Variants in SCN9A observed in about 807,000 individuals in gnomAD.
The protein encoded by SCN9A is sodium channel protein type 9 subunit alpha.
In SCN9A, 131 loss-of-function variants were observed where a neutral mutation model predicts 187.0. That is an observed-to-expected ratio of 0.70 (90% CI 0.61 to 0.81). The LOEUF is 0.81. SCN9A is among the 30% of genes least tolerant of loss of function. The pLI is 0.00. For synonymous variants in SCN9A, 809 were observed against 808.6 expected, an observed-to-expected ratio of 1.00 and a Z score of -0.01; for missense variants, 2,252 against 2,396.6, an observed-to-expected ratio of 0.94 and a Z score of 1.26.
rs1455989901 is a variant in SCN9A at position 166,359,409 on chromosome 2, C to T, written c.-51+16288G>A. On this transcript the variant is annotated intron_variant, in intron 1 of 26. Coordinates refer to ENST00000642356, the MANE Select transcript of SCN9A (RefSeq NM_001365536.1). ...TAATATCACAAGAAAAACAGGCAGG[C>T]TGGCTACTCATTTTAGAACCTCTAA... Among the ~76,000 whole-genome samples the T allele has an allele frequency of 5.3e-5, 8 of 152,174 alleles. No individual in the cohort carries two copies. The South Asian group carries it at 6.2e-4, about 12-fold the overall frequency.
At chr2:166,288,938 C>T (rs189821902) in intron 9 of SCN9A, among the ~76,000 whole-genome samples, 2 of 152,068 alleles carry the variant, frequency 1.3e-5, no homozygotes, top group South Asian at 2.1e-4. Flanking sequence ...AAAATTAAAT[C>T]CTTTGCTCAC....
intron 7 of SCN9A, chr2:166,300,839 A>C (rs1476287557): frequency 6.6e-6 from 1 of 150,950 alleles, no homozygotes; most frequent in Non-Finnish European, 1.5e-5. Flanking sequence ...ATTGTCATGC[A>C]TTCATGTTTA....
chr2:166,307,068 T>C lies in SCN9A; in HGVS notation c.265A>G (p.Ile89Val), dbSNP rs201577842. ...DPYYADKKTF[I>V]VLNKGKTIFR... is the part of the protein sequence containing the mutation. Reference sequence around the variant, plus strand: ...ATTGTTTTCCCTTTGTTCAATACTATGAAAGTCTGCAGGAGGAAAAAGAAA... The same window carrying C: ...ATTGTTTTCCCTTTGTTCAATACTACGAAAGTCTGCAGGAGGAAAAAGAAA... Residue 89 changes from isoleucine to valine, a missense_variant, in exon 3 of 27, where the codon ATA becomes GTA. By Grantham distance (29) the Ile-to-Val change is conservative. Around this residue, in one of 7 missense-constraint regions of SCN9A, gnomAD observed 1,013 missense variants for 997.4 expected, o/e 1.02. Coordinates refer to ENST00000642356, the MANE Select transcript of SCN9A (RefSeq NM_001365536.1). 7.0e-6 allele frequency: 11 copies of C among 1,572,702 alleles called. No homozygotes were observed. The African/African-American group carries it at 1.1e-4, about 15-fold the overall frequency.
chr2:166,221,680 G>A (rs1373705579), intron 24 of SCN9A, among the ~76,000 whole-genome samples: 4 of 152,148 alleles, frequency 2.6e-5, no homozygotes, highest in African/African-American at 7.2e-5. Flanking sequence ...TTATAAGCAT[G>A]AGCCATTGCA....
intron 22 of SCN9A, among the ~76,000 whole-genome samples, chr2:166,228,005 A>G (rs1230334713): frequency 6.6e-6 from 1 of 152,114 alleles, no homozygotes; most frequent in Non-Finnish European, 1.5e-5. Context: ...AATTTTATGA[A>G]TAAGACAGGA....
intron 6 of SCN9A, 38 bp downstream of exon 6, chr2:166,304,200 T>C (rs776654464): frequency 1.2e-6 from 2 of 1,610,724 alleles, no homozygotes; most frequent in African/African-American, 1.3e-5. Context: ...TAGTTGGAGT[T>C]ATGAGTGGCC....
chr2:166,210,407 A>G (rs1694028559), intron 24 of SCN9A, among the ~76,000 whole-genome samples: 1 of 151,980 alleles, frequency 6.6e-6, no homozygotes, highest in African/African-American at 2.4e-5. Flanking sequence ...ACATGTATAC[A>G]TATGTAACTA....
At chr2:166,319,452 C>A (rs1280247906) in intron 1 of SCN9A, among the ~76,000 whole-genome samples, 1 of 151,276 alleles carries the variant, frequency 6.6e-6, no homozygotes, top group Non-Finnish European at 1.5e-5. Context: ...TGTAAATAGC[C>A]ATATTGTCCA....
chr2:166,313,962 A>T (rs1161633840), intron 1 of SCN9A, among the ~76,000 whole-genome samples: 1 of 152,160 alleles, frequency 6.6e-6, no homozygotes, highest in Non-Finnish European at 1.5e-5. Flanking sequence ...GGGAAGCCTG[A>T]GGAAAGGGAG....
In SCN9A at chr2:166,195,381, C is replaced by T. The variant is rs1029626458; in HGVS notation, c.*3291G>A. ...ATTTATTTATTTTCATGAAGCAATT[C>T]TTGATTGTTTTCCTCAAGAAGATAA... On this transcript the variant is annotated 3_prime_UTR_variant, in exon 27 of 27. Transcript: ENST00000642356. 6.6e-6 allele frequency: 1 copy of T among 151,986 alleles called. No individual in the cohort carries two copies. The highest frequency in any genetic ancestry group is 1.5e-5 in the Non-Finnish European group (1 of 67,990). 9.4% of individuals were successfully genotyped at this position (151,986 alleles called of 1,614,324 possible). A position where few individuals can be genotyped will look rare whatever the true frequency, so the allele number is the denominator to read the frequency against.
rs201233540 is a variant in SCN9A at position 166,242,531 on chromosome 2, G to A, written c.3598C>T (p.Leu1200Phe). The stretch of plus-strand genomic sequence containing the variant: ...GCACCACTGCTGAGCAGGATCATGA[G>A]GACAATGAAGCTTTCAAACCAACTG... ...EHSWFESFIV[L>F]MILLSSGALA... Residue 1200 changes from leucine to phenylalanine, a missense_variant, in exon 19 of 27, where the codon CTC (leucine) becomes TTC (phenylalanine). Around this residue, in one of 7 missense-constraint regions of SCN9A, gnomAD observed 313 missense variants for 295.3 expected, o/e 1.06. Coordinates refer to ENST00000642356, the MANE Select transcript of SCN9A (RefSeq NM_001365536.1). 1.4e-5 allele frequency: 23 copies of A among 1,596,902 alleles called. No homozygotes were observed. Among genetic ancestry groups the A allele is most frequent in the Non-Finnish European group, 1.9e-5 (22 of 1,171,254 alleles).
intron 1 of SCN9A, among the ~76,000 whole-genome samples, chr2:166,359,061 T>A (rs1700218905): frequency 6.6e-6 from 1 of 152,196 alleles, no homozygotes; most frequent in Admixed American, 6.5e-5. Flanking sequence ...TTCTCATATG[T>A]AACTATGTCT....
intron 19 of SCN9A, among the ~76,000 whole-genome samples, chr2:166,240,786 C>T (rs1332075959): frequency 6.6e-6 from 1 of 152,106 alleles, no homozygotes; most frequent in Non-Finnish European, 1.5e-5. Context: ...CTGCTCCTTA[C>T]CTAGGACATT....
At chr2:166,349,997 T>A (rs12612992) in intron 1 of SCN9A, among the ~76,000 whole-genome samples, 3 of 149,526 alleles carry the variant, frequency 2.0e-5, no homozygotes, top group African/African-American at 5.0e-5. Context: ...AAATAAAAAA[T>A]AAAAAATAAA....
At position 166,216,131 on chromosome 2, in the gene SCN9A, A is replaced by C. The variant is rs1694320219; in HGVS notation, c.4398+10436T>G. ...ATGCTACATTAACAAAATAAGAACA[A>C]AAATCATATGATCATCTTACTAGAT... On this transcript the variant is annotated intron_variant, in intron 24 of 26. Coordinates refer to ENST00000642356, the MANE Select transcript of SCN9A (RefSeq NM_001365536.1). 1.3e-5 allele frequency among the ~76,000 whole-genome samples: 2 copies of C among 152,096 alleles called. 1 individual carries two copies. The highest frequency in any genetic ancestry group is 4.1e-4 in the South Asian group (2 of 4,826).
In SCN9A at chr2:166,307,002, G is replaced by C. The variant is rs748725716; in HGVS notation, c.331C>G (p.Pro111Ala). The change falls in exon 3 of 27, where the codon CCT becomes GCT. Residue 111 changes from proline to alanine, a missense_variant. Physicochemically the swap from Pro to Ala is conservative, Grantham distance 27. This residue lies in a region of SCN9A where 1,013 missense variants were observed against 997.4 expected (regional missense o/e 1.02). Coordinates refer to ENST00000642356, the MANE Select transcript of SCN9A (RefSeq NM_001365536.1). ...GATATTCTTCTTAGAGGACTGAAAG[G>C]AGAAAGCATATATAAAGCAGGTGTG... is the stretch of plus-strand genomic sequence containing the variant. ...NATPALYMLS[P>A]FSPLRRISIK... 1.9e-6 allele frequency: 3 copies of C among 1,611,058 alleles called. No individual in the cohort carries two copies. The highest frequency in any genetic ancestry group is 2.7e-5 in the African/African-American group (2 of 74,980).
intron 1 of SCN9A, among the ~76,000 whole-genome samples, chr2:166,327,610 A>C (rs925618591): frequency 2.0e-4 from 30 of 152,338 alleles, no homozygotes; most frequent in Non-Finnish European, 3.8e-4. Flanking sequence ...AAATTAACCA[A>C]ATCTATACAC....
chr2:166,262,165 C>T (rs926869539), intron 17 of SCN9A, among the ~76,000 whole-genome samples: 3 of 151,846 alleles, frequency 2.0e-5, no homozygotes, highest in African/African-American at 7.2e-5. Flanking sequence ...GCTACAAGAA[C>T]TTGAATTTGG....
At chr2:166,341,517 C>A (rs1171857127) in intron 1 of SCN9A, among the ~76,000 whole-genome samples, 1 of 152,202 alleles carries the variant, frequency 6.6e-6, no homozygotes, top group Admixed American at 6.5e-5. Context: ...AATAGACCTG[C>A]AGATGTTTTA....
Sources: gnomAD v4.1 joint callset for allele counts (sites outside exome capture counted in the v4.1 genomes callset) on GRCh38, gnomAD v4.1.1 for gene constraint, gnomAD v4.1.1 regional missense constraint, MANE v1.5 for transcripts, NCBI Gene and HGNC (gene_info 2026-07-23, HGNC 2026-07-21) for gene names.